The following PRKCH variants were observed in gnomAD, a reference collection of about 807,000 sequenced individuals.
PRKCH encodes protein kinase C eta type.
A neutral mutation model predicts 82.5 loss-of-function variants in PRKCH; 28 were observed. The observed-to-expected ratio is 0.34, with a 90% CI of 0.25 to 0.47. The LOEUF (loss-of-function observed/expected upper bound fraction) is 0.47, where lower values mean the gene tolerates loss of function less well. PRKCH is among the 20% of genes least tolerant of loss of function. PRKCH has a pLI of 1.00. For synonymous variants in PRKCH, 322 were observed against 327.4 expected (o/e 0.98, Z 0.18); for missense variants, 705 against 881.8 (o/e 0.80, Z 2.54).
rs1270334187 is a variant in PRKCH at position 61,280,676 on chromosome 14, G to A, written c.-19+93008G>A. ...GCGATGGCGCCGCAGGGCGCGATGGGCAGGCCGGCCGCGCTGCGCTGGTAG... is the reference window on the plus strand; with the variant it reads ...GCGATGGCGCCGCAGGGCGCGATGGACAGGCCGGCCGCGCTGCGCTGGTAG... On this transcript the variant is annotated intron_variant, in intron 1 of 3. Coordinates refer to the PRKCH transcript ENST00000555185. The surrounding 1 kb of genome is among the most constrained non-coding windows in gnomAD (Gnocchi z 5.0). 3.2e-6 allele frequency: 5 copies of A among 1,573,926 alleles called. No individual in the cohort carries two copies. Among genetic ancestry groups the A allele is most frequent in the Non-Finnish European group, 4.3e-6 (5 of 1,161,802 alleles).
At chr14:61,480,766 C>A (rs915080615) in intron 9 of PRKCH, among the ~76,000 whole-genome samples, 2 of 152,162 alleles carry the variant, frequency 1.3e-5, no homozygotes, top group African/African-American at 2.4e-5. Context: ...TAGCTTTTTG[C>A]TTTTTCTGCA....
chr14:61,329,232 G>GTTTTTTTTTT (rs369546229), intron 1 of PRKCH, among the ~76,000 whole-genome samples: 1 of 16,134 alleles, frequency 6.2e-5, no homozygotes, highest in Non-Finnish European at 1.9e-4. Flanking sequence ...AAACTCCTGA[G>GTTTTTTTTTT]TCTTTTTTTT....
At chr14:61,214,297 G>A (rs904300304) in intron 1 of PRKCH, among the ~76,000 whole-genome samples, 2 of 152,132 alleles carry the variant, frequency 1.3e-5, no homozygotes, top group Admixed American at 6.6e-5. Context: ...GGAGGGAGTG[G>A]GAGAGTAGAA....
intron 2 of PRKCH, among the ~76,000 whole-genome samples, chr14:61,397,813 A>G (rs1255874674): frequency 2.6e-5 from 4 of 152,210 alleles, no homozygotes; most frequent in Admixed American, 1.3e-4. Context: ...AAGTTTGATG[A>G]TACAATGTGC....
chr14:61,418,814 C>T (rs1654121445), intron 2 of PRKCH, among the ~76,000 whole-genome samples: 1 of 152,328 alleles, frequency 6.6e-6, no homozygotes. Flanking sequence ...TACTCTGCCC[C>T]TTCCTAAATT....
chr14:61,444,329 A>G (rs1204738202), intron 3 of PRKCH, among the ~76,000 whole-genome samples: 3 of 152,136 alleles, frequency 2.0e-5, no homozygotes, highest in African/African-American at 7.2e-5. Flanking sequence ...TCCTCTTTGC[A>G]TGAGGCTGCA....
intron 10 of PRKCH, among the ~76,000 whole-genome samples, chr14:61,514,701 C>A (rs575195886): frequency 2.0e-5 from 3 of 152,210 alleles, no homozygotes; most frequent in Admixed American, 1.3e-4. Context: ...AGATTAATAG[C>A]CATTTATTAT....
intron 1 of PRKCH, among the ~76,000 whole-genome samples, chr14:61,228,325 T>C (rs1476190829): frequency 6.6e-6 from 1 of 152,178 alleles, no homozygotes; most frequent in East Asian, 1.9e-4. Context: ...CTAGACAGCA[T>C]ATTAACAACA....
At chr14:61,510,901 A>G (rs1206290419) in intron 10 of PRKCH, among the ~76,000 whole-genome samples, 2 of 152,142 alleles carry the variant, frequency 1.3e-5, no homozygotes, top group Admixed American at 1.3e-4. Flanking sequence ...CAAAGGTACC[A>G]TATGGTGTGG....
intron 2 of PRKCH, among the ~76,000 whole-genome samples, chr14:61,391,567 G>A (rs2046682235): frequency 6.6e-6 from 1 of 151,318 alleles, no homozygotes; most frequent in Non-Finnish European, 1.5e-5. Flanking sequence ...AATGGTTTTT[G>A]CGTCTTTTTG....
intron 1 of PRKCH, among the ~76,000 whole-genome samples, chr14:61,244,385 G>A (rs2044863946): frequency 6.6e-6 from 1 of 152,184 alleles, no homozygotes; most frequent in Non-Finnish European, 1.5e-5. Context: ...CGGTATATGA[G>A]TAATCGTCAC....
intron 1 of PRKCH, among the ~76,000 whole-genome samples, chr14:61,357,326 T>C (rs2046163945): frequency 6.6e-6 from 1 of 152,244 alleles, no homozygotes; most frequent in African/African-American, 2.4e-5. Context: ...CTGACTTTAC[T>C]AAGCAACTTG....
chr14:61,219,117 G>T (rs2044636784), intron 1 of PRKCH, among the ~76,000 whole-genome samples: 1 of 152,180 alleles, frequency 6.6e-6, no homozygotes, highest in African/African-American at 2.4e-5. Context: ...ACCTCCTTTG[G>T]CTCTGAAGCT....
chr14:61,422,370 G>A (rs1384742395), intron 2 of PRKCH, among the ~76,000 whole-genome samples: 9 of 152,216 alleles, frequency 5.9e-5, no homozygotes, highest in East Asian at 3.9e-4. Context: ...GATTATAGGC[G>A]TGAGCCACAG....
At chr14:61,230,690 G>A (rs2044736219) in intron 1 of PRKCH, among the ~76,000 whole-genome samples, 1 of 152,106 alleles carries the variant, frequency 6.6e-6, no homozygotes. Flanking sequence ...TCTGACCACT[G>A]TCCCCCAACA....
chr14:61,388,147 CAAAAAAAAAAAAAA>C (rs569642184), intron 1 of PRKCH, among the ~76,000 whole-genome samples: 3 of 87,922 alleles, frequency 3.4e-5, no homozygotes, highest in Non-Finnish European at 7.3e-5. Context: ...GACTCTGTCT[CAAAAAAAAAAAAAA>C]AAAAAAAGAA....
At chr14:61,493,828 G>A (rs1185106465) in intron 10 of PRKCH, among the ~76,000 whole-genome samples, 2 of 151,774 alleles carry the variant, frequency 1.3e-5, no homozygotes, top group African/African-American at 4.8e-5. Flanking sequence ...AGATAATGAG[G>A]ACCTGAACTA....
At chr14:61,462,728 G>C (rs1257588099) in intron 9 of PRKCH, among the ~76,000 whole-genome samples, 1 of 152,224 alleles carries the variant, frequency 6.6e-6, no homozygotes, top group Non-Finnish European at 1.5e-5. Context: ...ATGCTGAACT[G>C]TGACAGTCTC....
intron 1 of PRKCH, among the ~76,000 whole-genome samples, chr14:61,373,196 TG>T (rs2046385907): frequency 6.6e-6 from 1 of 151,954 alleles, no homozygotes; most frequent in Admixed American, 6.6e-5. Flanking sequence ...TACTTGAGAC[TG>T]GGTAATCTAT....
Sources: allele counts gnomAD v4.1 joint callset (sites outside exome capture counted in the v4.1 genomes callset), GRCh38; gene constraint gnomAD v4.1.1; non-coding constraint Gnocchi (gnomAD v3.1); transcripts MANE v1.5; gene names NCBI Gene and HGNC (gene_info 2026-07-23, HGNC 2026-07-21).